The following C1orf146 variants were observed in gnomAD, a reference collection of about 807,000 sequenced individuals.
C1orf146 encodes protein SPO16 homolog.
A neutral mutation model predicts 23.0 loss-of-function variants in C1orf146; 22 were observed. The ratio of observed to expected loss-of-function variants is 0.96; its 90% CI spans 0.68 to 1.36. The LOEUF (loss-of-function observed/expected upper bound fraction) is 1.36. Ranked by LOEUF, C1orf146 falls within the 40% of genes most tolerant of loss-of-function variation. C1orf146 has a pLI of 0.00. For synonymous variants in C1orf146, 59 were observed against 65.3 expected, an observed-to-expected ratio of 0.90 and a Z score of 0.47; for missense variants, 199 against 206.8, an observed-to-expected ratio of 0.96 and a Z score of 0.23.
At chr1:92,226,399 G>GCA (rs368243079) in intron 1 of C1orf146, among the ~76,000 whole-genome samples, 4,530 of 146,266 alleles carry the variant, frequency 0.031, 193 homozygotes, top group African/African-American at 0.1. Context: ...ATGCACGCAT[G>GCA]CACACACACA....
rs201931838 is a variant in C1orf146, at chr1:92,244,177, A to G, written c.161-40A>G. The G allele has an allele frequency of 9.7e-5, 139 of 1,426,386 alleles. No individual in the cohort carries two copies. In the South Asian group the frequency reaches 1.2e-3, roughly 12 times the overall value. The allele number at this position is 1,426,386 out of a possible 1,614,324, so 88.4% of individuals were successfully genotyped here. On this transcript the variant is annotated intron_variant, in intron 3 of 5. Transcript: ENST00000370375. ...GAGTTTATAACAAAATTTCATCTCT[A>G]TAACAAAGTGACATTTTATATTCAA...
intron 1 of C1orf146, among the ~76,000 whole-genome samples, chr1:92,230,699 G>C (rs890643422): frequency 3.3e-5 from 5 of 151,986 alleles, no homozygotes; most frequent in African/African-American, 1.2e-4. Flanking sequence ...AGGATTGCTT[G>C]AGCCTAGGAG....
At chr1:92,231,352 T>C in intron 1 of C1orf146, 30 bp from the exon 2 acceptor site, 1 of 1,039,046 alleles carries the variant, frequency 9.6e-7, no homozygotes, top group South Asian at 1.4e-5. Flanking sequence ...AGATATTTCT[T>C]TGCATTCTTT....
chr1:92,242,747 T>C (rs1437377044), intron 3 of C1orf146, among the ~76,000 whole-genome samples: 2 of 152,156 alleles, frequency 1.3e-5, no homozygotes, highest in Non-Finnish European at 2.9e-5. Flanking sequence ...TAAATGTTCA[T>C]GAAATGACAA....
rs114900375 is a variant in C1orf146 at position 92,238,738 on chromosome 1, G to A, written c.67-3474G>A. On this transcript the variant is annotated intron_variant, in intron 2 of 5. Coordinates refer to ENST00000370375, the MANE Select transcript of C1orf146 (RefSeq NM_001012425.2). ...TCTGCCTGCAGTTATTCCTAACATT[G>A]TACCCAAATTAGCTGACTTGTGTAT... is the stretch of plus-strand genomic sequence containing the variant. Among the ~76,000 whole-genome samples the A allele has an allele frequency of 5.5e-3, 836 of 151,940 alleles. 9 individuals are homozygous for A. The highest frequency in any genetic ancestry group is 0.019 in the African/African-American group (805 of 41,416).
At chr1:92,243,192 C>T (rs1395581330) in intron 3 of C1orf146, among the ~76,000 whole-genome samples, 5 of 152,178 alleles carry the variant, frequency 3.3e-5, no homozygotes, top group African/African-American at 1.2e-4. Flanking sequence ...CCCAAGTTTA[C>T]TCAATTAGTG....
At chr1:92,235,179 C>G (rs1398788840) in intron 2 of C1orf146, among the ~76,000 whole-genome samples, 14 of 151,814 alleles carry the variant, frequency 9.2e-5, no homozygotes, top group African/African-American at 2.9e-4. Context: ...TCTTGCTTTT[C>G]TAGTTCTTTT....
intron 1 of C1orf146, among the ~76,000 whole-genome samples, chr1:92,219,244 T>C (rs1177878218): frequency 6.6e-6 from 1 of 152,154 alleles, no homozygotes; most frequent in Non-Finnish European, 1.5e-5. Context: ...CACCATTTAC[T>C]CATTCACAAA....
chr1:92,218,200 C>T (rs1018018742), intron 1 of C1orf146, among the ~76,000 whole-genome samples, 152 bp downstream of exon 1: 1 of 152,194 alleles, frequency 6.6e-6, no homozygotes, highest in Non-Finnish European at 1.5e-5. Flanking sequence ...ATCCTGCCCA[C>T]CCTATTTTCC....
intron 1 of C1orf146, among the ~76,000 whole-genome samples, chr1:92,219,521 T>TTTTTA (rs1553129352): frequency 1.2e-4 from 17 of 141,970 alleles, no homozygotes; most frequent in African/African-American, 3.1e-4. Flanking sequence ...TTTTTTTTTT[T>TTTTTA]AAGACAGAGT....
chr1:92,236,187 C>T (rs565254056), intron 2 of C1orf146, among the ~76,000 whole-genome samples: 114 of 151,832 alleles, frequency 7.5e-4, no homozygotes, highest in African/African-American at 2.6e-3. Flanking sequence ...TTAGTTGATG[C>T]AGTTTCTTCC....
At chr1:92,224,541 A>G (rs1651919300) in intron 1 of C1orf146, among the ~76,000 whole-genome samples, 1 of 152,146 alleles carries the variant, frequency 6.6e-6, no homozygotes, top group Admixed American at 6.5e-5. Context: ...TAAATTTTGG[A>G]TATGGTGTAC....
chr1:92,239,391 T>C (rs964265155), intron 2 of C1orf146, among the ~76,000 whole-genome samples: 6 of 152,208 alleles, frequency 3.9e-5, no homozygotes, highest in African/African-American at 1.4e-4. Context: ...GAGGTTTTAA[T>C]TCTGTAAGAA....
At chr1:92,222,236 G>A (rs375612517) in intron 1 of C1orf146, among the ~76,000 whole-genome samples, 16 of 151,986 alleles carry the variant, frequency 1.1e-4, no homozygotes, top group South Asian at 4.1e-4. Flanking sequence ...GTGAGATTCC[G>A]TCTCAAAAAA....
At chr1:92,225,107 C>A (rs527590163) in intron 1 of C1orf146, among the ~76,000 whole-genome samples, 221 of 122,318 alleles carry the variant, frequency 1.8e-3, no homozygotes, top group African/African-American at 6.9e-3. Context: ...TCCGGTTTAG[C>A]CTCTTTTTTT....
chr1:92,244,736 G>A (rs1386878961), intron 4 of C1orf146, 43 bp from the exon 5 acceptor site: 1 of 1,243,012 alleles, frequency 8.0e-7, no homozygotes, highest in South Asian at 1.3e-5. Flanking sequence ...GAGAACAGAT[G>A]TCAGCAAGTT....
intron 1 of C1orf146, among the ~76,000 whole-genome samples, chr1:92,224,562 C>T (rs551628146): frequency 1.9e-3 from 289 of 152,162 alleles, no homozygotes; most frequent in African/African-American, 6.8e-3. Context: ...GGAATGGATC[C>T]GAGTTCATTT....
chr1:92,226,530 A>G (rs980913713), intron 1 of C1orf146, among the ~76,000 whole-genome samples: 5 of 152,218 alleles, frequency 3.3e-5, no homozygotes, highest in Non-Finnish European at 5.9e-5. Flanking sequence ...ACATTTATGC[A>G]TCTATTTACC....
Position 92,241,964 on chromosome 1 carries a change from C to A in C1orf146, c.67-248C>A, listed in dbSNP as rs79793994. 7.3e-3 allele frequency among the ~76,000 whole-genome samples: 1,113 copies of A among 152,258 alleles called. 15 individuals carry two copies. The highest frequency in any genetic ancestry group is 0.026 in the African/African-American group (1,065 of 41,542). On this transcript the variant is annotated intron_variant, in intron 2 of 5. Transcript: ENST00000370375. Reference sequence around the variant, plus strand: ...AGTTTTTTAATGCTGTCTTTAAGTTCTGTTCCTAAGTAACATAACTGTAGT... The same window carrying A: ...AGTTTTTTAATGCTGTCTTTAAGTTATGTTCCTAAGTAACATAACTGTAGT...
Sources: allele counts gnomAD v4.1 joint callset (sites outside exome capture counted in the v4.1 genomes callset), GRCh38; gene constraint gnomAD v4.1.1; transcripts MANE v1.5; gene names NCBI Gene and HGNC (gene_info 2026-07-23, HGNC 2026-07-21).